CCDC85A: variants seen among roughly 807,000 people sequenced by gnomAD.
CCDC85A encodes coiled-coil domain containing 85A.
A neutral mutation model predicts 50.2 loss-of-function variants in CCDC85A; 38 were observed. The ratio of observed to expected loss-of-function variants is 0.76; its 90% confidence interval spans 0.58 to 0.99. The LOEUF (loss-of-function observed/expected upper bound fraction) is 0.99. Among genes scored for constraint, CCDC85A ranks in the 50% least tolerant of loss-of-function variants. CCDC85A has a pLI of 0.00. For synonymous variants in CCDC85A, 366 were observed against 301.4 expected (o/e 1.21, Z -2.22); for missense variants, 820 against 742.0 (o/e 1.11, Z -1.22).
At chr2:56,295,753 C>T (rs1296823147) in intron 2 of CCDC85A, among the ~76,000 whole-genome samples, 1 of 152,112 alleles carries the variant, frequency 6.6e-6, no homozygotes, top group Non-Finnish European at 1.5e-5. Flanking sequence ...TGTCAGGAAA[C>T]CCCTTAGAGG....
chr2:56,227,894 T>C (rs1668609841), intron 2 of CCDC85A, among the ~76,000 whole-genome samples: 1 of 152,208 alleles, frequency 6.6e-6, no homozygotes, highest in Non-Finnish European at 1.5e-5. Context: ...TCAAGAGTTA[T>C]GAAAGATTCT....
intron 2 of CCDC85A, among the ~76,000 whole-genome samples, chr2:56,327,084 TATATTATAC>T (rs1278600449): frequency 5.9e-5 from 9 of 152,144 alleles, no homozygotes; most frequent in African/African-American, 2.2e-4. Flanking sequence ...CCCAAGGCCT[TATATTATAC>T]ATGGTAGATA....
intron 4 of CCDC85A, 124 bp from the exon 5 acceptor site, chr2:56,375,692 T>C (rs1189855178): frequency 1.1e-6 from 1 of 915,706 alleles, no homozygotes; most frequent in African/African-American, 1.7e-5. Flanking sequence ...CATTGTAGAC[T>C]AGGTTAGGAA....
chr2:56,285,623 A>AT lies in CCDC85A; in HGVS notation c.1241-57250dup, dbSNP rs1009022754. Among the ~76,000 whole-genome samples, 10 of 148,888 alleles carry AT rather than the reference A, an allele frequency of 6.7e-5. No individual in the cohort carries two copies. In the East Asian group the frequency reaches 1.9e-3, roughly 29 times the overall value. On this transcript the variant is annotated intron_variant, in intron 2 of 5. Coordinates refer to ENST00000407595, the MANE Select transcript of CCDC85A (RefSeq NM_001080433.2). ...TCTTATCTACACTTCATGTTTAAGA[A>AT]TTTTTTATTATATAATTACATTTTA...
intron 2 of CCDC85A, among the ~76,000 whole-genome samples, chr2:56,342,600 T>G (rs886602011): frequency 6.6e-6 from 1 of 152,238 alleles, no homozygotes; most frequent in Non-Finnish European, 1.5e-5. Flanking sequence ...GAGTTCTGTA[T>G]AGAATCTTAA....
intron 3 of CCDC85A, among the ~76,000 whole-genome samples, chr2:56,343,229 T>C (rs868259540): frequency 1.5e-4 from 23 of 152,224 alleles, no homozygotes; most frequent in Admixed American, 5.9e-4. Flanking sequence ...TAATGAGAAG[T>C]AGAAAATAAA....
intron 3 of CCDC85A, among the ~76,000 whole-genome samples, chr2:56,367,022 T>A (rs1675829441): frequency 1.3e-5 from 2 of 152,182 alleles, no homozygotes; most frequent in African/African-American, 4.8e-5. Context: ...TCTTTCCTAA[T>A]GTGACTGCTT....
intron 2 of CCDC85A, among the ~76,000 whole-genome samples, chr2:56,278,527 G>C (rs1026491232): frequency 4.6e-5 from 7 of 152,030 alleles, no homozygotes; most frequent in Admixed American, 6.6e-5. Flanking sequence ...TCTCAACTCA[G>C]TCTGAGGGAT....
intron 2 of CCDC85A, among the ~76,000 whole-genome samples, chr2:56,195,635 A>G (rs1366249806): frequency 1.3e-5 from 2 of 152,198 alleles, no homozygotes; most frequent in African/African-American, 4.8e-5. Flanking sequence ...AACTTTTGAT[A>G]TGGATGGTAA....
chr2:56,340,898 A>AAG (rs1674333303), intron 2 of CCDC85A, among the ~76,000 whole-genome samples: 2 of 144,084 alleles, frequency 1.4e-5, no homozygotes, highest in South Asian at 4.4e-4. Context: ...AAAAAAAAAA[A>AAG]GCTTTAGAGC....
intron 2 of CCDC85A, among the ~76,000 whole-genome samples, chr2:56,292,416 A>T (rs781144137): frequency 3.9e-5 from 6 of 152,280 alleles, no homozygotes; most frequent in South Asian, 2.1e-4. Flanking sequence ...TTGATAAAGG[A>T]TACACATTTT....
intron 2 of CCDC85A, among the ~76,000 whole-genome samples, chr2:56,266,578 G>GGCCC (rs71393521): frequency 5.1e-4 from 31 of 60,342 alleles, no homozygotes; most frequent in South Asian, 1.0e-3. Context: ...ACAATAACGC[G>GGCCC]CCCCCCCCCC....
At chr2:56,252,712 A>G (rs1397982402) in intron 2 of CCDC85A, among the ~76,000 whole-genome samples, 2 of 152,128 alleles carry the variant, frequency 1.3e-5, no homozygotes, top group South Asian at 2.1e-4. Context: ...CCCAACCGAC[A>G]GGCCCCAGTG....
chr2:56,303,917 A>G (rs6751240), intron 2 of CCDC85A, among the ~76,000 whole-genome samples: 23,480 of 152,044 alleles, frequency 0.15, 2,104 homozygotes, highest in East Asian at 0.32. Context: ...GCATTTTGGG[A>G]AACTGACACT....
At chr2:56,320,368 A>T (rs926521854) in intron 2 of CCDC85A, among the ~76,000 whole-genome samples, 12 of 152,214 alleles carry the variant, frequency 7.9e-5, no homozygotes, top group Non-Finnish European at 1.0e-4. Flanking sequence ...TTTTGAAAAG[A>T]TCATCAAAAT....
intron 2 of CCDC85A, among the ~76,000 whole-genome samples, chr2:56,329,816 A>G (rs987952259): frequency 6.6e-6 from 1 of 152,138 alleles, no homozygotes; most frequent in Non-Finnish European, 1.5e-5. Flanking sequence ...GAGTATAACT[A>G]AAAAGCCAAC....
chr2:56,361,121 G>A (rs914468668), intron 3 of CCDC85A, among the ~76,000 whole-genome samples: 30 of 152,286 alleles, frequency 2.0e-4, no homozygotes, highest in African/African-American at 7.2e-4. Flanking sequence ...GGGCGTGGTG[G>A]CGGGTGCCTG....
At chr2:56,207,979 A>G (rs569089630) in intron 2 of CCDC85A, among the ~76,000 whole-genome samples, 1 of 152,276 alleles carries the variant, frequency 6.6e-6, no homozygotes, top group South Asian at 2.1e-4. Flanking sequence ...GGTGACTTTA[A>G]TTGTGACATC....
At chr2:56,202,914 A>T (rs1165383344) in intron 2 of CCDC85A, among the ~76,000 whole-genome samples, 8 of 152,226 alleles carry the variant, frequency 5.3e-5, no homozygotes, top group Admixed American at 5.2e-4. Flanking sequence ...ATATCTGCGG[A>T]TGATGGATTA....
Sources: allele counts gnomAD v4.1 joint callset (sites outside exome capture counted in the v4.1 genomes callset), GRCh38; gene constraint gnomAD v4.1.1; transcripts MANE v1.5; gene names NCBI Gene and HGNC (gene_info 2026-07-23, HGNC 2026-07-21).